The following RBM4B variants were observed in gnomAD, a reference collection of about 807,000 sequenced individuals.
The protein encoded by RBM4B is RNA binding motif protein 4B.
In RBM4B, 13 loss-of-function variants were observed where a neutral mutation model predicts 28.5. The observed-to-expected ratio is 0.46, with a 90% CI of 0.30 to 0.72. The LOEUF (loss-of-function observed/expected upper bound fraction) is 0.72, where lower values mean the gene tolerates loss of function less well. RBM4B is among the 30% of genes least tolerant of loss of function. The pLI is 0.09. For missense variants in RBM4B, 387 were observed against 477.6 expected (o/e 0.81, Z 1.77); for synonymous variants, 167 against 179.1 (o/e 0.93, Z 0.54).
intron 2 of RBM4B, among the ~76,000 whole-genome samples, chr11:66,672,266 T>G (rs1939481958): frequency 2.0e-5 from 3 of 151,218 alleles, no homozygotes; most frequent in African/African-American, 7.3e-5. Context: ...AAACATTAGC[T>G]GGGCATGGTG....
intron 3 of RBM4B, chr11:66,667,577 CA>C (rs1318729827): frequency 6.6e-6 from 1 of 152,128 alleles, no homozygotes; most frequent in Non-Finnish European, 1.5e-5. Context: ...AACATCAAAA[CA>C]TTCAACTTTC....
chr11:66,674,927 T>C (rs1179874553), intron 2 of RBM4B, among the ~76,000 whole-genome samples: 1 of 152,234 alleles, frequency 6.6e-6, no homozygotes, highest in African/African-American at 2.4e-5. Context: ...AGAATACCTC[T>C]GCAGTTTGTA....
In RBM4B at chr11:66,676,948, G is replaced by C; in HGVS notation, c.132C>G (p.Asp44Glu). ...IKNYGFVHIE[D>E]KTAAEDAIRN... ...GTATGGCATCCTCAGCTGCCGTCTTGTCTTCTATGTGCACAAAGCCGTAAT... is the reference window on the plus strand; with the variant it reads ...GTATGGCATCCTCAGCTGCCGTCTTCTCTTCTATGTGCACAAAGCCGTAAT... The change falls in exon 2 of 4, where the codon GAC becomes GAG. Residue 44 changes from aspartate (D) to glutamate (E), a missense_variant. Physicochemically the swap from Asp to Glu is conservative, Grantham distance 45. This residue lies in a region of RBM4B where 161 missense variants were observed against 256.9 expected (regional missense o/e 0.63). Transcript: ENST00000310046. 1.2e-6 allele frequency: 2 copies of C among 1,614,128 alleles called. No homozygotes were observed. Among genetic ancestry groups the C allele is most frequent in the Non-Finnish European group, 1.7e-6 (2 of 1,180,010 alleles).
chr11:66,670,738 G>A (rs2135240852), intron 2 of RBM4B, among the ~76,000 whole-genome samples: 1 of 152,050 alleles, frequency 6.6e-6, no homozygotes, highest in African/African-American at 2.4e-5. Flanking sequence ...AACCTGGGAG[G>A]TGGAGGTTGC....
intron 2 of RBM4B, among the ~76,000 whole-genome samples, chr11:66,671,663 GGTGGGAAATCAAGTTTATCT>G (rs1470810580): frequency 1.3e-5 from 2 of 152,052 alleles, no homozygotes; most frequent in Non-Finnish European, 1.5e-5. Flanking sequence ...TTATTTAGAG[GGTGGGAAATCAAGTTTATCT>G]GTGGTAAAAT....
At position 66,669,149 on chromosome 11, in the gene RBM4B, G is replaced by A; in HGVS notation, c.555C>T (p.Asp185=). ...ATTGTTCATTATACTGCTCAGTAAA[G>A]TCTGCCACACGACCCGTACGATCTA... ...CPVDRTGRVA[D]FTEQYNEQYG... is the part of the protein sequence containing the mutation. The change falls in exon 3 of 4, where the codon GAC becomes GAT. Residue 185 remains aspartate, a synonymous_variant. Transcript: ENST00000310046. 6 of 1,614,148 alleles carry A rather than the reference G, an allele frequency of 3.7e-6. No individual in the cohort carries two copies. The highest frequency in any genetic ancestry group is 5.1e-6 in the Non-Finnish European group (6 of 1,180,040).
At chr11:66,670,859 G>A in intron 2 of RBM4B, 1 of 698,258 alleles carries the variant, frequency 1.4e-6, no homozygotes, top group Non-Finnish European at 2.6e-6. Context: ...AAAGAACAGG[G>A]CTTCTCATTA....
intron 2 of RBM4B, among the ~76,000 whole-genome samples, chr11:66,671,717 G>A (rs997556080): frequency 7.2e-5 from 11 of 152,084 alleles, no homozygotes; most frequent in Non-Finnish European, 1.5e-4. Flanking sequence ...GTTGTGAAAA[G>A]GATGCAGGTA....
chr11:66,676,566 C>A (rs1413431947), intron 2 of RBM4B, 102 bp downstream of exon 2: 1 of 1,331,802 alleles, frequency 7.5e-7, no homozygotes, highest in Non-Finnish European at 1.0e-6. Flanking sequence ...CCAGCTAAAA[C>A]AGAATGGAAG....
chr11:66,671,179 G>A (rs767214373), intron 2 of RBM4B, among the ~76,000 whole-genome samples: 32 of 152,134 alleles, frequency 2.1e-4, no homozygotes, highest in Non-Finnish European at 4.0e-4. Context: ...GAGACAGGCC[G>A]CATCCACTAT....
At chr11:66,665,632 C>T (rs1011482329) in intron 3 of RBM4B, 54 bp from the exon 4 acceptor site, 1 of 1,535,364 alleles carries the variant, frequency 6.5e-7, no homozygotes, top group Non-Finnish European at 8.7e-7. Context: ...AGCAGCCTGG[C>T]TCCGCGTACA....
rs1939189855 is a variant in RBM4B at position 66,665,444 on chromosome 11, G to C, written c.*144C>G. 1.4e-6 allele frequency: 1 copy of C among 724,848 alleles called. No homozygotes were observed. Among genetic ancestry groups the C allele is most frequent in the Non-Finnish European group, 2.4e-6 (1 of 419,902 alleles). 44.9% of individuals were successfully genotyped at this position (724,848 alleles called of 1,614,324 possible). On this transcript the variant is annotated 3_prime_UTR_variant, in exon 4 of 4. Transcript: ENST00000310046. ...AAGTCAACTTAGAAGAATTAAGAAA[G>C]AAAACATAGTTGGTCACAAACTCCT...
chr11:66,675,768 T>G (rs1203519347), intron 2 of RBM4B: 3 of 152,216 alleles, frequency 2.0e-5, no homozygotes. Flanking sequence ...TCTCTATTAA[T>G]ACGGTAGCCA....
intron 2 of RBM4B, among the ~76,000 whole-genome samples, chr11:66,671,780 G>A (rs1366828657): frequency 6.6e-6 from 1 of 152,068 alleles, no homozygotes; most frequent in Non-Finnish European, 1.5e-5. Context: ...TTGCTCTGTC[G>A]CCCAGGCTGG....
Position 66,665,411 on chromosome 11 carries a change from G to A in RBM4B, c.*177C>T. On this transcript the variant is annotated 3_prime_UTR_variant, in exon 4 of 4. Transcript: ENST00000310046. ...AAGGCTACAGAGACTAGTTTCAGGA[G>A]GAAAGAAAAGTCAACTTAGAAGAAT... The A allele has an allele frequency of 1.5e-6, 1 of 650,870 alleles. No homozygotes were observed. 40.3% of individuals were successfully genotyped at this position (650,870 alleles called of 1,614,324 possible).
At position 66,665,818 on chromosome 11, in the gene RBM4B, T is replaced by C. The variant is rs903066031; in HGVS notation, c.*10-240A>G. ...CAAGATGCAATCTAGCTGAAGAATG[T>C]GTTGGTGATAAATACATCTTTCTTA... On this transcript the variant is annotated intron_variant, in intron 3 of 3. Transcript: ENST00000310046. 3 of 1,480,084 alleles carry C rather than the reference T, an allele frequency of 2.0e-6. 1 individual carries two copies. 91.7% of individuals were successfully genotyped at this position (1,480,084 alleles called of 1,614,324 possible).
At chr11:66,677,153 A>T in intron 1 of RBM4B, 62 bp from the exon 2 acceptor site, 1 of 1,561,098 alleles carries the variant, frequency 6.4e-7, no homozygotes, top group Non-Finnish European at 8.7e-7. Context: ...GGTGCACTGC[A>T]GCATTTTCGT....
rs1267919081 is a variant in RBM4B at position 66,677,100 on chromosome 11, G to A, written c.-12-9C>T. The A allele has an allele frequency of 6.2e-7, 1 of 1,607,814 alleles. No individual in the cohort carries two copies. On this transcript the variant is annotated splice_polypyrimidine_tract_variant and intron_variant, in intron 1 of 3. Coordinates refer to ENST00000310046, the MANE Select transcript of RBM4B (RefSeq NM_031492.4). ...ACCATCCTGACAAGAGCCTGGGAGA[G>A]AAACACAAGACTTCAAAAGTCAGGG...
Position 66,665,910 on chromosome 11 carries a change from A to G in RBM4B, c.*10-332T>C. ...TGTTGCTGTAACAAAGGGCATACAT[A>G]CATTTTCAAGAACTGCAATTTAATT... On this transcript the variant is annotated intron_variant, in intron 3 of 3. Transcript: ENST00000310046. 6.5e-7 allele frequency: 1 copy of G among 1,535,500 alleles called. No individual in the cohort carries two copies. Among genetic ancestry groups the G allele is most frequent in the Non-Finnish European group, 8.7e-7 (1 of 1,146,852 alleles).
Sources: allele counts gnomAD v4.1 joint callset (sites outside exome capture counted in the v4.1 genomes callset), GRCh38; gene constraint gnomAD v4.1.1; regional missense constraint gnomAD v4.1.1; transcripts MANE v1.5; gene names NCBI Gene and HGNC (gene_info 2026-07-23, HGNC 2026-07-21).